The following SETBP1 variants were observed in gnomAD, a reference collection of about 807,000 sequenced individuals.
SETBP1 encodes SET-binding protein.
Under a neutral mutation model 101.0 loss-of-function variants are expected in SETBP1, and 9 were observed. That is an observed-to-expected ratio of 0.09 (90% CI 0.05 to 0.16). The LOEUF is 0.16. Ranked by LOEUF, SETBP1 falls within the 10% of genes least tolerant of loss-of-function variation. SETBP1 has a pLI of 1.00. For missense variants in SETBP1, 1,858 were observed against 2,033.8 expected (o/e 0.91, Z 1.66); for synonymous variants, 818 against 788.5 (o/e 1.04, Z -0.63).
At chr18:45,036,233 T>A (rs922463058) in intron 4 of SETBP1, among the ~76,000 whole-genome samples, 2 of 150,822 alleles carry the variant, frequency 1.3e-5, no homozygotes, top group African/African-American at 4.9e-5. Flanking sequence ...CTCGGGAGGC[T>A]GAGGCAGGAG....
intron 2 of SETBP1, among the ~76,000 whole-genome samples, chr18:44,711,125 G>A (rs952929092): frequency 3.9e-5 from 6 of 152,130 alleles, no homozygotes; most frequent in South Asian, 4.1e-4. Flanking sequence ...ATCTGAGTGC[G>A]TTGAACAGGA....
chr18:44,903,028 T>G (rs1342210970), intron 3 of SETBP1, among the ~76,000 whole-genome samples: 1 of 152,136 alleles, frequency 6.6e-6, no homozygotes, highest in Non-Finnish European at 1.5e-5. Flanking sequence ...TTTATCAAAT[T>G]TGTTGGCCCA....
At chr18:44,782,367 G>C (rs918360083) in intron 2 of SETBP1, among the ~76,000 whole-genome samples, 1 of 151,540 alleles carries the variant, frequency 6.6e-6, no homozygotes, top group Non-Finnish European at 1.5e-5. Flanking sequence ...AACATGACTG[G>C]TTTTGGGGAA....
intron 4 of SETBP1, among the ~76,000 whole-genome samples, chr18:44,958,193 C>T (rs1430742032): frequency 2.0e-5 from 3 of 152,214 alleles, no homozygotes. Context: ...CACACATGTA[C>T]AGGCAGTAGT....
chr18:44,940,195 A>G (rs2071054922), intron 3 of SETBP1, among the ~76,000 whole-genome samples: 1 of 152,234 alleles, frequency 6.6e-6, no homozygotes, highest in South Asian at 2.1e-4. Context: ...TCATTACAGC[A>G]TTCTTATGTT....
intron 4 of SETBP1, among the ~76,000 whole-genome samples, chr18:44,983,478 T>C (rs187400776): frequency 4.5e-4 from 69 of 152,272 alleles, no homozygotes; most frequent in Admixed American, 2.2e-3. Flanking sequence ...TCCAAGGTCA[T>C]AGAGCCCACA....
At chr18:44,699,080 A>G (rs2069067864) in intron 1 of SETBP1, among the ~76,000 whole-genome samples, 1 of 152,210 alleles carries the variant, frequency 6.6e-6, no homozygotes, top group South Asian at 2.1e-4. Context: ...AGAATCTGTA[A>G]CATACATTTC....
chr18:44,927,247 T>A (rs970825844), intron 3 of SETBP1, among the ~76,000 whole-genome samples: 1 of 152,030 alleles, frequency 6.6e-6, no homozygotes, highest in South Asian at 2.1e-4. Context: ...ATGAAGAGAG[T>A]CAGATGCCTC....
At chr18:45,057,075 C>T (rs1015299872) in intron 5 of SETBP1, among the ~76,000 whole-genome samples, 9 of 152,146 alleles carry the variant, frequency 5.9e-5, no homozygotes, top group Non-Finnish European at 8.8e-5. Context: ...TCCCCCACAT[C>T]TGCTAACTCT....
chr18:44,998,413 G>T (rs769447447), intron 4 of SETBP1, among the ~76,000 whole-genome samples: 6 of 152,198 alleles, frequency 3.9e-5, no homozygotes, highest in Non-Finnish European at 8.8e-5. Flanking sequence ...TGAGTGGTGA[G>T]CATTAAAGAC....
At chr18:45,031,857 G>A (rs962744779) in intron 4 of SETBP1, among the ~76,000 whole-genome samples, 1 of 152,184 alleles carries the variant, frequency 6.6e-6, no homozygotes, top group Admixed American at 6.6e-5. Flanking sequence ...CAAATGGGAA[G>A]GAGGCCTGAA....
chr18:44,954,269 A>T (rs1319439264), intron 4 of SETBP1, among the ~76,000 whole-genome samples: 1 of 150,038 alleles, frequency 6.7e-6, no homozygotes, highest in African/African-American at 2.5e-5. Context: ...CCCTATAAAG[A>T]CCAGAGAAGT....
At chr18:44,902,621 C>A (rs1345789749) in intron 3 of SETBP1, among the ~76,000 whole-genome samples, 1 of 151,942 alleles carries the variant, frequency 6.6e-6, no homozygotes, top group Non-Finnish European at 1.5e-5. Flanking sequence ...ATTATTGGTT[C>A]ATGATTTTAT....
intron 2 of SETBP1, among the ~76,000 whole-genome samples, chr18:44,857,100 A>G (rs936305169): frequency 3.3e-5 from 5 of 152,234 alleles, no homozygotes; most frequent in East Asian, 1.9e-4. Flanking sequence ...TAATTGACGA[A>G]TACTGGGTTC....
intron 4 of SETBP1, chr18:44,970,131 G>C (rs910540172): frequency 1.9e-5 from 3 of 154,806 alleles, no homozygotes; most frequent in Non-Finnish European, 4.4e-5. Flanking sequence ...TCCTCAGGGA[G>C]CATTCCCAGT....
chr18:44,787,356 A>C (rs1437880318), intron 2 of SETBP1, among the ~76,000 whole-genome samples: 4 of 152,350 alleles, frequency 2.6e-5, no homozygotes, highest in African/African-American at 9.6e-5. Flanking sequence ...TCAGAAAAAA[A>C]TGCTGCTAAG....
At position 44,959,016 on chromosome 18, in the gene SETBP1, A is replaced by G. The variant is rs545747643; in HGVS notation, c.4000+5676A>G. Among the ~76,000 whole-genome samples, 8 of 152,360 alleles carry G rather than the reference A, an allele frequency of 5.3e-5. No homozygotes were observed. The South Asian group carries it at 1.0e-3, about 20-fold the overall frequency. On this transcript the variant is annotated intron_variant, in intron 4 of 5. Transcript: ENST00000649279. Reference sequence around the variant, plus strand: ...AAAAAAAATAGCTGAGACTCACAGCATATCCTTTGCTACATTGAAATCAGA... The same window carrying G: ...AAAAAAAATAGCTGAGACTCACAGCGTATCCTTTGCTACATTGAAATCAGA...
At chr18:44,782,081 T>C (rs1045196590) in intron 2 of SETBP1, among the ~76,000 whole-genome samples, 5 of 152,176 alleles carry the variant, frequency 3.3e-5, no homozygotes, top group Admixed American at 6.5e-5. Flanking sequence ...GAAGTAGCTG[T>C]TAGGAATGCA....
chr18:44,843,523 G>T lies in SETBP1; in HGVS notation c.487-25707G>T, dbSNP rs1203923918. Among the ~76,000 whole-genome samples, 3 of 152,184 alleles carry T rather than the reference G, an allele frequency of 2.0e-5. No homozygotes were observed. The South Asian group carries it at 6.2e-4, about 32-fold the overall frequency. ...CAGTTGCTCCTCTGGGGAGCCAGGT[G>T]AAGTTAGTGGCCGAGCAGGGTTCTC... On this transcript the variant is annotated intron_variant, in intron 2 of 5. Transcript: ENST00000649279.
Sources: allele counts gnomAD v4.1 joint callset (sites outside exome capture counted in the v4.1 genomes callset), GRCh38; gene constraint gnomAD v4.1.1; transcripts MANE v1.5; gene names NCBI Gene and HGNC (gene_info 2026-07-23, HGNC 2026-07-21).